The following VWA8 variants were observed in gnomAD, a reference collection of about 807,000 sequenced individuals.
VWA8 encodes the protein von Willebrand factor A domain-containing protein 8.
VWA8 carries 221 observed loss-of-function variants against 241.5 expected under a neutral mutation model. That is an observed-to-expected ratio of 0.91 (90% CI 0.82 to 1.02). The LOEUF (loss-of-function observed/expected upper bound fraction) is 1.02. Among genes scored for constraint, VWA8 ranks in the 50% least tolerant of loss-of-function variants. The pLI, the probability that VWA8 is intolerant of heterozygous loss-of-function variation, is 0.00. For missense variants in VWA8, 2,322 were observed against 2,328.7 expected (o/e 1.00, Z 0.06); for synonymous variants, 852 against 827.1 (o/e 1.03, Z -0.52).
At chr13:41,644,623 G>A (rs1156648335) in intron 37 of VWA8, among the ~76,000 whole-genome samples, 1 of 152,246 alleles carries the variant, frequency 6.6e-6, no homozygotes, top group Non-Finnish European at 1.5e-5. Context: ...GCCCCACGAG[G>A]CGGGGGATGG....
chr13:41,655,010 T>A (rs2044893346), intron 37 of VWA8, among the ~76,000 whole-genome samples: 1 of 152,202 alleles, frequency 6.6e-6, no homozygotes. Context: ...ACATTAATGC[T>A]ATATCAATGT....
Position 41,585,087 on chromosome 13 carries a change from A to AG in VWA8, c.5271+2424_5271+2425insC, listed in dbSNP as rs559383241. ...GTTTGGTTTGTAACTGTCAATAAAA[A>AG]AAAAAAAATGAAACATCTTGTGAAA... On this transcript the variant is annotated intron_variant, in intron 42 of 44. Transcript: ENST00000379310. 4.1e-4 allele frequency among the ~76,000 whole-genome samples: 62 copies of AG among 152,248 alleles called. No individual in the cohort carries two copies. In the South Asian group the frequency reaches 7.3e-3, roughly 18 times the overall value.
intron 19 of VWA8, among the ~76,000 whole-genome samples, 176 bp from the exon 20 acceptor site, chr13:41,778,232 G>C (rs1482310596): frequency 6.6e-6 from 1 of 151,938 alleles, no homozygotes; most frequent in Non-Finnish European, 1.5e-5. Flanking sequence ...TAACCATTTA[G>C]GTCACTGATA....
chr13:41,763,974 T>C (rs994837930), intron 20 of VWA8, among the ~76,000 whole-genome samples: 1 of 152,150 alleles, frequency 6.6e-6, no homozygotes, highest in Admixed American at 6.6e-5. Flanking sequence ...TTGGCTGTCT[T>C]GTTCCATATG....
At chr13:41,670,547 T>C (rs1303674953) in intron 37 of VWA8, among the ~76,000 whole-genome samples, 1 of 152,194 alleles carries the variant, frequency 6.6e-6, no homozygotes, top group Non-Finnish European at 1.5e-5. Context: ...CTTGTAATAA[T>C]CTGCTGTATT....
At chr13:41,835,592 A>G (rs1871687097) in intron 12 of VWA8, among the ~76,000 whole-genome samples, 1 of 152,056 alleles carries the variant, frequency 6.6e-6, no homozygotes, top group Non-Finnish European at 1.5e-5. Flanking sequence ...ATTCATTCCC[A>G]CTCATGCTTA....
At chr13:41,619,800 T>G (rs1458155035) in intron 37 of VWA8, among the ~76,000 whole-genome samples, 2 of 152,206 alleles carry the variant, frequency 1.3e-5, no homozygotes, top group African/African-American at 2.4e-5. Flanking sequence ...TGAACCAGCC[T>G]TGCATCCCAG....
intron 24 of VWA8, among the ~76,000 whole-genome samples, chr13:41,723,813 G>A (rs753064650): frequency 2.6e-5 from 4 of 152,148 alleles, no homozygotes; most frequent in Non-Finnish European, 5.9e-5. Context: ...TGAAGTTCAG[G>A]AGGAAGGTCT....
At chr13:41,700,937 T>C (rs2045245197) in intron 28 of VWA8, among the ~76,000 whole-genome samples, 1 of 152,178 alleles carries the variant, frequency 6.6e-6, no homozygotes, top group African/African-American at 2.4e-5. Flanking sequence ...CAGTAGGTAA[T>C]GGCAACAGTC....
At position 41,701,512 on chromosome 13, in the gene VWA8, T is replaced by C. The variant is rs757833754; in HGVS notation, c.3244A>G (p.Ile1082Val). 6.8e-6 allele frequency: 11 copies of C among 1,608,374 alleles called. 1 individual carries two copies. The highest frequency in any genetic ancestry group is 3.3e-4 in the Middle Eastern group (2 of 6,030). Residue 1082 changes from isoleucine (I) to valine (V), a missense_variant, in exon 28 of 45, where the codon ATA (isoleucine) becomes GTA (valine). Transcript: ENST00000379310. ...IDIKGPALIN[I>V]QEYPIERHEE... ...TGTCTTTCTATTGGATACTCCTGTATATTTATAAGTGCTGGACCCTATAAT... is the reference window on the plus strand; with the variant it reads ...TGTCTTTCTATTGGATACTCCTGTACATTTATAAGTGCTGGACCCTATAAT...
chr13:41,905,968 T>C (rs1875694098), intron 4 of VWA8, among the ~76,000 whole-genome samples: 1 of 152,110 alleles, frequency 6.6e-6, no homozygotes, highest in African/African-American at 2.4e-5. Flanking sequence ...TTTGGCATTA[T>C]GTAAACAAAA....
At chr13:41,811,127 AT>A (rs1428286375) in intron 17 of VWA8, 97 bp downstream of exon 17, 2 of 1,021,004 alleles carry the variant, frequency 2.0e-6, no homozygotes, top group African/African-American at 3.2e-5. Context: ...AGACCAATAT[AT>A]TTTGAAGAAT....
chr13:41,690,362 T>A, intron 32 of VWA8, 87 bp from the exon 33 acceptor site: 1 of 1,095,314 alleles, frequency 9.1e-7, no homozygotes, highest in Non-Finnish European at 1.3e-6. Context: ...TAGATTCTCC[T>A]CAGTCTCTTT....
chr13:41,808,475 A>T (rs1034705966), intron 17 of VWA8, among the ~76,000 whole-genome samples: 7 of 152,084 alleles, frequency 4.6e-5, no homozygotes, highest in African/African-American at 1.7e-4. Flanking sequence ...GCAGGGAGGT[A>T]CCACAAACTT....
intron 2 of VWA8, among the ~76,000 whole-genome samples, chr13:41,940,156 G>A (rs1269892695): frequency 6.6e-6 from 1 of 152,080 alleles, no homozygotes; most frequent in African/African-American, 2.4e-5. Context: ...CTCCTTCTCT[G>A]GTCCTACTTT....
intron 9 of VWA8, among the ~76,000 whole-genome samples, chr13:41,870,402 G>A (rs934103196): frequency 6.6e-6 from 1 of 152,246 alleles, no homozygotes; most frequent in South Asian, 2.1e-4. Context: ...ACTTTGGGAG[G>A]CAGAGATGGG....
At chr13:41,571,602 C>T (rs1378098628) in intron 43 of VWA8, among the ~76,000 whole-genome samples, 6 of 152,258 alleles carry the variant, frequency 3.9e-5, no homozygotes, top group Middle Eastern at 3.4e-3. Context: ...TACCTGCCTC[C>T]GCCTCCCGAG....
intron 37 of VWA8, among the ~76,000 whole-genome samples, chr13:41,628,175 C>CA (rs1348922534): frequency 6.6e-6 from 1 of 152,018 alleles, no homozygotes; most frequent in East Asian, 1.9e-4. Context: ...TCATTCCCTC[C>CA]AAAAAACAAA....
chr13:41,611,994 A>T (rs1391931731), intron 38 of VWA8, among the ~76,000 whole-genome samples: 1 of 152,214 alleles, frequency 6.6e-6, no homozygotes, highest in Non-Finnish European at 1.5e-5. Context: ...CCTCATAAGG[A>T]TCCATACTCT....
Sources: gnomAD v4.1 joint callset for allele counts (sites outside exome capture counted in the v4.1 genomes callset) on GRCh38, gnomAD v4.1.1 for gene constraint, MANE v1.5 for transcripts, NCBI Gene and HGNC (gene_info 2026-07-23, HGNC 2026-07-21) for gene names.